TAF15: variants seen among roughly 807,000 people sequenced by gnomAD.
TAF15 encodes TATA-binding protein-associated factor 2N.
A neutral mutation model predicts 102.5 loss-of-function variants in TAF15; 37 were observed. The ratio of observed to expected loss-of-function variants is 0.36; its 90% confidence interval spans 0.28 to 0.47. The LOEUF (loss-of-function observed/expected upper bound fraction) is 0.47, where lower values mean the gene tolerates loss of function less well. TAF15 is among the 20% of genes least tolerant of loss of function. The pLI, the probability that TAF15 is intolerant of heterozygous loss-of-function variation, is 0.99. For missense variants in TAF15, 652 were observed against 760.7 expected (o/e 0.86, Z 1.68); for synonymous variants, 273 against 259.2 (o/e 1.05, Z -0.51).
chr17:35,822,044 T>A (rs915554105), intron 5 of TAF15, among the ~76,000 whole-genome samples: 4 of 151,908 alleles, frequency 2.6e-5, no homozygotes, highest in Non-Finnish European at 4.4e-5. Context: ...TTTTTTTTTT[T>A]TAATTCATAG....
Position 35,817,785 on chromosome 17 carries a change from A to C in TAF15, c.47+30A>C, listed in dbSNP as rs573809637. The C allele has an allele frequency of 1.1e-5, 18 of 1,603,344 alleles. No homozygotes were observed. In the African/African-American group the frequency reaches 2.0e-4, roughly 18 times the overall value. On this transcript the variant is annotated intron_variant, in intron 2 of 15. Transcript: ENST00000605844. ...AGTATACATACATTTTAATAATATG[A>C]AAGGGTAGAACTGAGGTGAATTTTG... is the stretch of plus-strand genomic sequence containing the variant.
At chr17:35,826,719 G>A (rs906811218) in intron 7 of TAF15, among the ~76,000 whole-genome samples, 4 of 147,550 alleles carry the variant, frequency 2.7e-5, no homozygotes, top group East Asian at 4.1e-4. Flanking sequence ...CAGCACACCC[G>A]GCTAATTTTT....
chr17:35,818,659 T>A (rs1482336618), intron 2 of TAF15: 1 of 152,054 alleles, frequency 6.6e-6, no homozygotes, highest in Non-Finnish European at 1.5e-5. Context: ...AAAATTTTTT[T>A]AATTATCCAG....
chr17:35,828,663 C>A (rs1555617431), intron 7 of TAF15, among the ~76,000 whole-genome samples: 1 of 151,746 alleles, frequency 6.6e-6, no homozygotes, highest in Non-Finnish European at 1.5e-5. Flanking sequence ...CCCAGGAGTT[C>A]AAGGCTGCAG....
At chr17:35,828,682 G>C (rs968961807) in intron 7 of TAF15, among the ~76,000 whole-genome samples, 1 of 151,410 alleles carries the variant, frequency 6.6e-6, no homozygotes, top group Non-Finnish European at 1.5e-5. Flanking sequence ...AGTGAGCTAT[G>C]ATTGTGCTTA....
At chr17:35,817,419 AAT>A in intron 1 of TAF15, 1 of 368,086 alleles carries the variant, frequency 2.7e-6, no homozygotes, top group Non-Finnish European at 5.0e-6. Context: ...TGTATATAAT[AAT>A]ATTGCTTAAG....
At chr17:35,826,469 G>C (rs998312437) in intron 7 of TAF15, among the ~76,000 whole-genome samples, 2 of 152,060 alleles carry the variant, frequency 1.3e-5, no homozygotes, top group African/African-American at 4.8e-5. Context: ...TGGAGCACCA[G>C]AGCAGCCGTA....
chr17:35,835,912 A>G (rs1361906724), intron 9 of TAF15, among the ~76,000 whole-genome samples: 1 of 152,256 alleles, frequency 6.6e-6, no homozygotes, highest in Non-Finnish European at 1.5e-5. Flanking sequence ...CATAGTGTGG[A>G]CTTGATCCAC....
intron 7 of TAF15, among the ~76,000 whole-genome samples, chr17:35,831,906 C>A (rs1190542323): frequency 2.6e-5 from 4 of 152,042 alleles, no homozygotes; most frequent in Admixed American, 6.5e-5. Context: ...CACAGTGAAA[C>A]CCCGTCTCTA....
chr17:35,820,575 A>T (rs2087246765), intron 5 of TAF15, 138 bp downstream of exon 5: 1 of 707,614 alleles, frequency 1.4e-6, no homozygotes, highest in African/African-American at 1.8e-5. Context: ...GGATTTTACA[A>T]CTGTATATTA....
Position 35,820,074 on chromosome 17 carries a change from A to G in TAF15, c.98A>G (p.Gln33Arg). The change falls in exon 3 of 16, where the codon CAA becomes CGA. Residue 33 changes from glutamine (Q) to arginine (R), a missense_variant and splice_region_variant. This residue lies in a region of TAF15 where 243 missense variants were observed against 284.1 expected (regional missense o/e 0.86). Transcript: ENST00000605844. ...AGCCAAGGCTATGGACAAGCATCAC[A>G]AGTAGGTTGAAATATAAATTGTATT... ...PGSQGYGQAS[Q>R]SYSGYGQTTD... 6.2e-7 allele frequency: 1 copy of G among 1,614,054 alleles called. No homozygotes were observed. Among genetic ancestry groups the G allele is most frequent in the East Asian group, 2.2e-5 (1 of 44,874 alleles).
At chr17:35,826,291 T>TATA (rs1483450927) in intron 7 of TAF15, among the ~76,000 whole-genome samples, 2 of 152,188 alleles carry the variant, frequency 1.3e-5, no homozygotes, top group Non-Finnish European at 2.9e-5. Flanking sequence ...AATCTTGCCT[T>TATA]ATACTCTGTT....
chr17:35,825,115 G>A (rs1431933296), intron 7 of TAF15, among the ~76,000 whole-genome samples: 1 of 152,174 alleles, frequency 6.6e-6, no homozygotes, highest in Non-Finnish European at 1.5e-5. Flanking sequence ...GGGACCATCT[G>A]TCCCCTGAGG....
chr17:35,844,469 C>A lies in TAF15; in HGVS notation c.1178-8C>A. On this transcript the variant is annotated splice_polypyrimidine_tract_variant and splice_region_variant and intron_variant, in intron 14 of 15. Coordinates refer to ENST00000605844, the MANE Select transcript of TAF15 (RefSeq NM_139215.3). ...GCTGGCCTCATTGTTTGCATTTCTA[C>A]CTTGCAGATTTCCGGGGGAGAGGCT... The A allele has an allele frequency of 6.2e-7, 1 of 1,613,570 alleles. No individual in the cohort carries two copies. The highest frequency in any genetic ancestry group is 8.5e-7 in the Non-Finnish European group (1 of 1,179,724).
At chr17:35,819,346 T>C (rs1433936367) in intron 2 of TAF15, among the ~76,000 whole-genome samples, 1 of 152,240 alleles carries the variant, frequency 6.6e-6, no homozygotes. Flanking sequence ...TGTTTCTGAC[T>C]TGTTAGAGCT....
chr17:35,844,364 A>G lies in TAF15; in HGVS notation c.1173A>G (p.Gly391=). The G allele has an allele frequency of 6.2e-7, 1 of 1,614,074 alleles. No homozygotes were observed. Among genetic ancestry groups the G allele is most frequent in the Non-Finnish European group, 8.5e-7 (1 of 1,179,942 alleles). ...GACCAGAGGACTCTCGTCCCTCAGG[A>G]GGAGGTGGGTCAGCCTTTTAATAGC... ...EPRPEDSRPS[G]GDFRGRGYGG... Residue 391 remains glycine (G), a synonymous_variant, in exon 14 of 16, where the codon GGA becomes GGG. Transcript: ENST00000605844.
At chr17:35,823,706 C>CAAAAAA (rs57004932) in intron 6 of TAF15, 7 of 161,406 alleles carry the variant, frequency 4.3e-5, no homozygotes, top group East Asian at 3.4e-4. Flanking sequence ...CTCTTGTCTC[C>CAAAAAA]AAAAAAAAAA....
Position 35,834,602 on chromosome 17 carries a change from A to T in TAF15, c.673+4A>T. On this transcript the variant is annotated splice_donor_region_variant and intron_variant, in intron 9 of 15. Coordinates refer to ENST00000605844, the MANE Select transcript of TAF15 (RefSeq NM_139215.3). ...TATGGACCCAGAACAGATGCTGGTA[A>T]GGTTTATGGTGGTTTGTCACTTTGC... 1.9e-6 allele frequency: 3 copies of T among 1,612,838 alleles called. No individual in the cohort carries two copies. Among genetic ancestry groups the T allele is most frequent in the East Asian group, 2.2e-5 (1 of 44,854 alleles).
At chr17:35,811,061 A>C (rs2087118940) in intron 1 of TAF15, 1 of 152,226 alleles carries the variant, frequency 6.6e-6, no homozygotes, top group Non-Finnish European at 1.5e-5. Context: ...CCCTCACAAG[A>C]GTGTATCATC....
Sources: gnomAD v4.1 joint callset for allele counts (sites outside exome capture counted in the v4.1 genomes callset) on GRCh38, gnomAD v4.1.1 for gene constraint, gnomAD v4.1.1 regional missense constraint, MANE v1.5 for transcripts, NCBI Gene and HGNC (gene_info 2026-07-23, HGNC 2026-07-21) for gene names.